Variants in PRPSAP2 observed in about 807,000 individuals in gnomAD.
PRPSAP2 encodes phosphoribosyl pyrophosphate synthase-associated protein 2.
A neutral mutation model predicts 40.6 loss-of-function variants in PRPSAP2; 24 were observed. The observed-to-expected ratio is 0.59, with a 90% CI of 0.43 to 0.83. PRPSAP2 has a LOEUF of 0.83. PRPSAP2 is among the 40% of genes least tolerant of loss of function. PRPSAP2 has a pLI of 0.00. For synonymous variants in PRPSAP2, 149 were observed against 164.7 expected (o/e 0.90, Z 0.73); for missense variants, 292 against 465.6 (o/e 0.63, Z 3.43).
In PRPSAP2 at chr17:18,930,739, A is replaced by G. The variant is rs781305792; in HGVS notation, c.*41A>G. On this transcript the variant is annotated 3_prime_UTR_variant, in exon 12 of 12. Transcript: ENST00000268835. ...AACTCCCGAGGGCCAAACTGGAAAC[A>G]TAAGAGTGACTGCTCGGTGGGATGG... is the stretch of plus-strand genomic sequence containing the variant. The G allele has an allele frequency of 3.2e-6, 5 of 1,556,704 alleles. No individual in the cohort carries two copies. The highest frequency in any genetic ancestry group is 1.7e-5 in the Admixed American group (1 of 57,162).
chr17:18,924,146 T>A (rs1442432904), intron 10 of PRPSAP2, 162 bp downstream of exon 10: 1 of 574,052 alleles, frequency 1.7e-6, no homozygotes, highest in Non-Finnish European at 2.9e-6. Flanking sequence ...TTCAAACGAT[T>A]CTCCTGCCTC....
chr17:18,897,127 C>T (rs947440445), intron 8 of PRPSAP2, among the ~76,000 whole-genome samples: 3 of 151,886 alleles, frequency 2.0e-5, no homozygotes, highest in Admixed American at 6.6e-5. Context: ...GGCTAATTCT[C>T]ATGTTTTTTT....
intron 8 of PRPSAP2, among the ~76,000 whole-genome samples, chr17:18,902,944 T>A (rs1348247362): frequency 6.7e-6 from 1 of 150,094 alleles, no homozygotes; most frequent in Non-Finnish European, 1.5e-5. Flanking sequence ...CATATTTGAG[T>A]GCTGCTGTGC....
intron 9 of PRPSAP2, among the ~76,000 whole-genome samples, chr17:18,913,533 G>A (rs973060823): frequency 6.2e-5 from 9 of 144,408 alleles, no homozygotes; most frequent in Non-Finnish European, 1.1e-4. Context: ...GATGAATAGC[G>A]TCTGGTTCTT....
chr17:18,923,091 T>C (rs200664525), intron 9 of PRPSAP2, among the ~76,000 whole-genome samples: 1 of 123,634 alleles, frequency 8.1e-6, no homozygotes, highest in Non-Finnish European at 1.7e-5. Flanking sequence ...TTATTTATTT[T>C]TATTTATTTA....
chr17:18,862,233 A>T (rs1052342354), intron 1 of PRPSAP2, among the ~76,000 whole-genome samples: 5 of 152,138 alleles, frequency 3.3e-5, no homozygotes, highest in Non-Finnish European at 7.3e-5. Flanking sequence ...CCCTCAGCGG[A>T]TGTGGGCATC....
At chr17:18,926,634 A>C (rs1203512337) in intron 10 of PRPSAP2, among the ~76,000 whole-genome samples, 1 of 152,172 alleles carries the variant, frequency 6.6e-6, no homozygotes, top group Non-Finnish European at 1.5e-5. Context: ...AGTAGGGGGC[A>C]ATACACAGGG....
At chr17:18,880,229 C>T (rs1299098172) in intron 6 of PRPSAP2, among the ~76,000 whole-genome samples, 1 of 152,244 alleles carries the variant, frequency 6.6e-6, no homozygotes, top group Non-Finnish European at 1.5e-5. Context: ...GGCCCATCTT[C>T]TCTACCAGCC....
chr17:18,866,293 G>T (rs932759891), intron 3 of PRPSAP2, among the ~76,000 whole-genome samples: 2 of 152,126 alleles, frequency 1.3e-5, no homozygotes, highest in Non-Finnish European at 2.9e-5. Context: ...GGCCAGGCGC[G>T]GTGGCTCACG....
chr17:18,868,344 A>G (rs928902171), intron 4 of PRPSAP2, among the ~76,000 whole-genome samples: 1 of 151,932 alleles, frequency 6.6e-6, no homozygotes, highest in Non-Finnish European at 1.5e-5. Flanking sequence ...GCTTGGTGGC[A>G]GGCGCCTATA....
intron 4 of PRPSAP2, among the ~76,000 whole-genome samples, chr17:18,870,808 C>CA (rs59205286): frequency 0.011 from 1,413 of 125,556 alleles, 10 homozygotes; most frequent in Admixed American, 0.018. Context: ...GACCTTGTCT[C>CA]AAAAAAAAAA....
chr17:18,930,396 A>G (rs2042201340), intron 11 of PRPSAP2, 144 bp from the exon 12 acceptor site: 1 of 690,210 alleles, frequency 1.4e-6, no homozygotes, highest in Non-Finnish European at 2.3e-6. Flanking sequence ...TAAATAAATA[A>G]TTGAAACATT....
chr17:18,864,539 C>A (rs576725212), intron 1 of PRPSAP2, among the ~76,000 whole-genome samples: 1 of 152,244 alleles, frequency 6.6e-6, no homozygotes, highest in East Asian at 1.9e-4. Flanking sequence ...GATCCGCCTG[C>A]CTTGGCCTCC....
intron 5 of PRPSAP2, among the ~76,000 whole-genome samples, chr17:18,876,686 A>G (rs2038323338): frequency 6.6e-6 from 1 of 152,210 alleles, no homozygotes; most frequent in African/African-American, 2.4e-5. Flanking sequence ...GGAAAAAAAT[A>G]AGACAGCATG....
chr17:18,866,066 TAA>T, intron 3 of PRPSAP2, 114 bp downstream of exon 3: 1 of 722,078 alleles, frequency 1.4e-6, no homozygotes, highest in Non-Finnish European at 1.8e-6. Context: ...AATTATAAAA[TAA>T]TTATATCTTT....
chr17:18,858,083 C>T (rs59633160), upstream of PRPSAP2: 80,190 of 151,468 alleles, frequency 0.53, 21,533 homozygotes, highest in Middle Eastern at 0.59. Flanking sequence ...GGTGCCTCCG[C>T]TGTCCGGGCT....
At chr17:18,879,673 C>T (rs1046059450) in intron 6 of PRPSAP2, among the ~76,000 whole-genome samples, 11 of 152,170 alleles carry the variant, frequency 7.2e-5, no homozygotes, top group African/African-American at 2.4e-4. Flanking sequence ...ATGCTTGTCT[C>T]GAACTCTTGA....
At chr17:18,916,052 A>C (rs1174764616) in intron 9 of PRPSAP2, among the ~76,000 whole-genome samples, 4 of 151,992 alleles carry the variant, frequency 2.6e-5, no homozygotes, top group Non-Finnish European at 4.4e-5. Flanking sequence ...TCCTGAGCTC[A>C]GGCAATCTGC....
At chr17:18,913,783 A>G in intron 9 of PRPSAP2, among the ~76,000 whole-genome samples, 1 of 151,222 alleles carries the variant, frequency 6.6e-6, no homozygotes. Flanking sequence ...CCTGAGCTCA[A>G]GTGATCCACC....
Sources: allele counts gnomAD v4.1 joint callset (sites outside exome capture counted in the v4.1 genomes callset), GRCh38; gene constraint gnomAD v4.1.1; transcripts MANE v1.5; gene names NCBI Gene and HGNC (gene_info 2026-07-23, HGNC 2026-07-21).